Variants in LIMCH1 observed in about 807,000 individuals in gnomAD.
LIMCH1 encodes LIM and calponin homology domains-containing protein 1.
LIMCH1 carries 113 observed loss-of-function variants against 176.5 expected under a neutral mutation model. That is an observed-to-expected ratio of 0.64 (90% CI 0.55 to 0.75). The LOEUF (loss-of-function observed/expected upper bound fraction) is 0.75. Ranked by LOEUF, LIMCH1 falls within the 30% of genes least tolerant of loss-of-function variation. The pLI, the probability that LIMCH1 is intolerant of heterozygous loss-of-function variation, is 0.00. For synonymous variants in LIMCH1, 619 were observed against 645.9 expected (o/e 0.96, Z 0.63); for missense variants, 1,674 against 1,814.9 (o/e 0.92, Z 1.41).
intron 1 of LIMCH1, among the ~76,000 whole-genome samples, chr4:41,590,697 C>T (rs941894743): frequency 2.6e-5 from 4 of 152,210 alleles, no homozygotes; most frequent in Non-Finnish European, 4.4e-5. Context: ...CCAGCTGCCA[C>T]CTTCTGGGTC....
intron 1 of LIMCH1, among the ~76,000 whole-genome samples, chr4:41,461,000 T>G (rs1190287181): frequency 6.6e-6 from 1 of 152,222 alleles, no homozygotes; most frequent in Non-Finnish European, 1.5e-5. Context: ...CTTTATTTGT[T>G]GAACACTCAA....
At chr4:41,505,023 T>A (rs540243660) in intron 2 of LIMCH1, among the ~76,000 whole-genome samples, 2 of 152,334 alleles carry the variant, frequency 1.3e-5, no homozygotes, top group Non-Finnish European at 2.9e-5. Context: ...CAGATCATAA[T>A]TGTAAAAATC....
chr4:41,685,480 T>A (rs750942504), intron 27 of LIMCH1, among the ~76,000 whole-genome samples: 1 of 152,226 alleles, frequency 6.6e-6, no homozygotes, highest in Non-Finnish European at 1.5e-5. Context: ...TACTGTTTTA[T>A]GACATCAGAA....
At chr4:41,362,264 AG>A (rs1266278118) in intron 1 of LIMCH1, among the ~76,000 whole-genome samples, 12 of 152,358 alleles carry the variant, frequency 7.9e-5, no homozygotes, top group African/African-American at 2.9e-4. Flanking sequence ...AATGAACATC[AG>A]GGCTGTCTTG....
At chr4:41,670,889 G>C (rs1242577385) in intron 21 of LIMCH1, 2 of 1,483,960 alleles carry the variant, frequency 1.3e-6, no homozygotes, top group Non-Finnish European at 1.8e-6. Flanking sequence ...CTGATTTCTG[G>C]GGAAAAAATT....
At chr4:41,395,227 T>TA (rs1285658866) in intron 1 of LIMCH1, among the ~76,000 whole-genome samples, 3 of 147,932 alleles carry the variant, frequency 2.0e-5, no homozygotes, top group Admixed American at 2.0e-4. Context: ...TAGTAGAAGT[T>TA]AATTTTTTTT....
At chr4:41,491,252 G>T (rs974341965) in intron 1 of LIMCH1, among the ~76,000 whole-genome samples, 2 of 139,622 alleles carry the variant, frequency 1.4e-5, no homozygotes, top group Non-Finnish European at 3.1e-5. Flanking sequence ...CCGGGCAGAG[G>T]CGCTCCTCAC....
chr4:41,437,552 C>T (rs950646791), intron 1 of LIMCH1, among the ~76,000 whole-genome samples: 2 of 152,210 alleles, frequency 1.3e-5, no homozygotes, highest in Non-Finnish European at 2.9e-5. Context: ...TACAGGCATA[C>T]GTAGCATGGG....
chr4:41,633,322 G>A (rs2152876960), intron 12 of LIMCH1, among the ~76,000 whole-genome samples: 1 of 152,242 alleles, frequency 6.6e-6, no homozygotes, highest in African/African-American at 2.4e-5. Context: ...TTCATTCTCA[G>A]GACTCATGAA....
At chr4:41,615,780 A>G (rs1462900195) in intron 5 of LIMCH1, among the ~76,000 whole-genome samples, 1 of 152,236 alleles carries the variant, frequency 6.6e-6, no homozygotes, top group Non-Finnish European at 1.5e-5. Context: ...CTCACAATCA[A>G]TTGGGGAATA....
intron 1 of LIMCH1, among the ~76,000 whole-genome samples, chr4:41,591,524 G>A (rs2087564884): frequency 6.6e-6 from 1 of 152,166 alleles, no homozygotes. Flanking sequence ...CAGTACAAGT[G>A]TGACCCACTG....
At chr4:41,542,497 A>G (rs1317258782) in intron 1 of LIMCH1, among the ~76,000 whole-genome samples, 3 of 152,154 alleles carry the variant, frequency 2.0e-5, no homozygotes, top group Non-Finnish European at 2.9e-5. Flanking sequence ...CCTTCCTTAT[A>G]GGAAGAAGAG....
chr4:41,621,275 A>G (rs1223143035), intron 7 of LIMCH1, among the ~76,000 whole-genome samples: 1 of 152,214 alleles, frequency 6.6e-6, no homozygotes, highest in Non-Finnish European at 1.5e-5. Context: ...ACTAGTATCC[A>G]GTCCTGATAG....
intron 23 of LIMCH1, among the ~76,000 whole-genome samples, chr4:41,678,230 C>CT (rs1712603298): frequency 7.2e-6 from 1 of 138,054 alleles, no homozygotes; most frequent in Non-Finnish European, 1.6e-5. Flanking sequence ...CTTACTTTTT[C>CT]TTTTCTTTTT....
intron 1 of LIMCH1, among the ~76,000 whole-genome samples, chr4:41,454,803 G>A (rs952459545): frequency 6.6e-6 from 1 of 152,164 alleles, no homozygotes; most frequent in African/African-American, 2.4e-5. Flanking sequence ...TGGTAGGTAT[G>A]GTTTAAGGGC....
chr4:41,525,756 C>T (rs1396983872), intron 3 of LIMCH1, among the ~76,000 whole-genome samples: 1 of 151,792 alleles, frequency 6.6e-6, no homozygotes, highest in Non-Finnish European at 1.5e-5. Flanking sequence ...TCAGTGTATA[C>T]ATATATCAAT....
intron 1 of LIMCH1, among the ~76,000 whole-genome samples, chr4:41,415,124 A>G (rs2059814641): frequency 1.3e-5 from 2 of 152,206 alleles, no homozygotes; most frequent in South Asian, 4.1e-4. Flanking sequence ...TACTAGCTAC[A>G]GTTAACAATA....
intron 21 of LIMCH1, chr4:41,670,794 T>C: frequency 6.5e-7 from 1 of 1,535,922 alleles, no homozygotes; most frequent in South Asian, 1.2e-5. Flanking sequence ...CCCAGTCAGG[T>C]AAACTGCATA....
At chr4:41,408,660 A>G (rs2059205196) in intron 1 of LIMCH1, among the ~76,000 whole-genome samples, 1 of 152,220 alleles carries the variant, frequency 6.6e-6, no homozygotes. Flanking sequence ...GGAACTAAGT[A>G]AGGTTGTTTC....
Sources: allele counts gnomAD v4.1 joint callset (sites outside exome capture counted in the v4.1 genomes callset), GRCh38; gene constraint gnomAD v4.1.1; transcripts MANE v1.5; gene names NCBI Gene and HGNC (gene_info 2026-07-23, HGNC 2026-07-21).